UNC13C: variants seen among roughly 807,000 people sequenced by gnomAD.
UNC13C encodes the protein protein unc-13 homolog C.
In UNC13C, 174 loss-of-function variants were observed where a neutral mutation model predicts 245.4. The ratio of observed to expected loss-of-function variants is 0.71; its 90% confidence interval spans 0.63 to 0.80. The LOEUF (loss-of-function observed/expected upper bound fraction) is 0.80. Among genes scored for constraint, UNC13C ranks in the 30% least tolerant of loss-of-function variants. UNC13C has a pLI of 0.00. For missense variants in UNC13C, 2,829 were observed against 2,602.9 expected, an observed-to-expected ratio of 1.09 and a Z score of -1.89; for synonymous variants, 992 against 895.1, an observed-to-expected ratio of 1.11 and a Z score of -1.93.
At chr15:54,313,033 G>A (rs2037916749) in intron 13 of UNC13C, among the ~76,000 whole-genome samples, 1 of 151,724 alleles carries the variant, frequency 6.6e-6, no homozygotes, top group Non-Finnish European at 1.5e-5. Context: ...GAGGGATTGA[G>A]TCAGGTGCAG....
intron 13 of UNC13C, among the ~76,000 whole-genome samples, chr15:54,306,100 A>G (rs959617799): frequency 1.6e-4 from 24 of 151,974 alleles, no homozygotes; most frequent in Non-Finnish European, 2.9e-4. Context: ...GTCTGAAACT[A>G]TTTTGCTGGT....
chr15:54,470,058 A>G (rs1892378394), intron 19 of UNC13C, among the ~76,000 whole-genome samples: 1 of 151,692 alleles, frequency 6.6e-6, no homozygotes, highest in Non-Finnish European at 1.5e-5. Flanking sequence ...CATGAATCAC[A>G]TGTATTGATT....
chr15:54,158,717 A>C (rs2032854143), intron 4 of UNC13C, among the ~76,000 whole-genome samples: 1 of 151,892 alleles, frequency 6.6e-6, no homozygotes, highest in Non-Finnish European at 1.5e-5. Context: ...TGGCACAATC[A>C]TGGTTCACTG....
chr15:54,199,682 T>G (rs2034461686), intron 4 of UNC13C, among the ~76,000 whole-genome samples: 1 of 152,162 alleles, frequency 6.6e-6, no homozygotes, highest in South Asian at 2.1e-4. Flanking sequence ...ACAAAGACTG[T>G]TAGAGGAGCT....
chr15:54,507,143 T>C lies in UNC13C; in HGVS notation c.5328T>C (p.Tyr1776=), dbSNP rs1335658365. The change falls in exon 23 of 33, where the codon TAT becomes TAC. Residue 1776 remains tyrosine, a synonymous_variant. Coordinates refer to ENST00000260323, the MANE Select transcript of UNC13C (RefSeq NM_001080534.3). The part of the protein sequence containing the change: ...AKTINKVLLQ[Y]AAIVSSDFSS... ...CTATCAATAAAGTGCTGCTCCAGTA[T>C]GCTGCAATTGTATCAAGTGATTTCA... 5 of 1,600,032 alleles carry C rather than the reference T, an allele frequency of 3.1e-6. No homozygotes were observed. Among genetic ancestry groups the C allele is most frequent in the Non-Finnish European group, 4.3e-6 (5 of 1,172,276 alleles).
At chr15:54,425,040 A>T (rs915468868) in intron 19 of UNC13C, among the ~76,000 whole-genome samples, 2 of 151,884 alleles carry the variant, frequency 1.3e-5, no homozygotes, top group African/African-American at 4.8e-5. Context: ...ATACAATGCC[A>T]TGTGCTACAA....
intron 8 of UNC13C, among the ~76,000 whole-genome samples, chr15:54,262,166 T>C (rs938042932): frequency 5.3e-5 from 8 of 152,214 alleles, no homozygotes; most frequent in African/African-American, 1.9e-4. Flanking sequence ...GAGCATTTAT[T>C]GTGTGCATGG....
At chr15:53,947,892 TCACAA>T in the UNC13C span, 1 of 152,232 alleles carries the variant, frequency 6.6e-6, no homozygotes, top group African/African-American at 2.4e-5. Flanking sequence ...ATATGTGGTA[TCACAA>T]TGACTTTGTC....
At chr15:54,420,543 C>T (rs1451320820) in intron 19 of UNC13C, among the ~76,000 whole-genome samples, 1 of 151,884 alleles carries the variant, frequency 6.6e-6, no homozygotes, top group Non-Finnish European at 1.5e-5. Context: ...GTCAAGGATA[C>T]AGGTGTCATC....
At chr15:54,366,481 C>T (rs768158900) in intron 17 of UNC13C, among the ~76,000 whole-genome samples, 6 of 152,166 alleles carry the variant, frequency 3.9e-5, no homozygotes, top group Non-Finnish European at 8.8e-5. Context: ...TATGAACACA[C>T]ATACACACAC....
chr15:53,894,025 T>A, the UNC13C span, among the ~76,000 whole-genome samples: 1 of 152,162 alleles, frequency 6.6e-6, no homozygotes, highest in Non-Finnish European at 1.5e-5. Context: ...ATGGGAAAAG[T>A]GCAGTATCTG....
the UNC13C span, among the ~76,000 whole-genome samples, chr15:53,891,852 C>G: frequency 6.6e-6 from 1 of 152,114 alleles, no homozygotes; most frequent in Non-Finnish European, 1.5e-5. Context: ...GGCATTTAGC[C>G]CATTAACATT....
chr15:54,524,767 C>A (rs1476797896), intron 24 of UNC13C, among the ~76,000 whole-genome samples: 1 of 152,142 alleles, frequency 6.6e-6, no homozygotes, highest in Non-Finnish European at 1.5e-5. Flanking sequence ...CCAAACTTGG[C>A]TTTATCCTGT....
intron 17 of UNC13C, among the ~76,000 whole-genome samples, chr15:54,379,489 G>C (rs1318748076): frequency 1.3e-5 from 2 of 152,014 alleles, no homozygotes; most frequent in Admixed American, 6.6e-5. Context: ...ATCTTTTATA[G>C]CCTTTATTAT....
At chr15:54,590,747 G>C (rs1352974142) in intron 30 of UNC13C, among the ~76,000 whole-genome samples, 11 of 152,152 alleles carry the variant, frequency 7.2e-5, no homozygotes, top group Admixed American at 7.2e-4. Context: ...AACAAGGACA[G>C]GTTGACTTCC....
intron 24 of UNC13C, among the ~76,000 whole-genome samples, chr15:54,518,277 G>C (rs1195865418): frequency 6.6e-6 from 1 of 152,214 alleles, no homozygotes; most frequent in Non-Finnish European, 1.5e-5. Flanking sequence ...TGAGGAGGTT[G>C]AAAGGTTTTT....
At chr15:54,496,822 G>A (rs900296598) in intron 20 of UNC13C, among the ~76,000 whole-genome samples, 1 of 150,980 alleles carries the variant, frequency 6.6e-6, no homozygotes, top group African/African-American at 2.4e-5. Context: ...TTGAGGGAAA[G>A]GGAAGTTGGG....
chr15:53,847,185 C>G, the UNC13C span, among the ~76,000 whole-genome samples: 1 of 152,262 alleles, frequency 6.6e-6, no homozygotes, highest in South Asian at 2.1e-4. Context: ...TAACTTTCTA[C>G]AAACAAAGTT....
In UNC13C at chr15:54,296,569, G is replaced by C. The variant is rs552665638; in HGVS notation, c.3989-1242G>C. Among the ~76,000 whole-genome samples the C allele has an allele frequency of 1.4e-4, 21 of 152,082 alleles. No individual in the cohort carries two copies. In the South Asian group the frequency reaches 4.4e-3, roughly 32 times the overall value. ...GAATCAACTCCCTCTCAACCAGTAGGAAAATCGCTTATGATCCTGGCACTT... is the reference window on the plus strand; with the variant it reads ...GAATCAACTCCCTCTCAACCAGTAGCAAAATCGCTTATGATCCTGGCACTT... On this transcript the variant is annotated intron_variant, in intron 11 of 32. Transcript: ENST00000260323.
Sources: gnomAD v4.1 joint callset for allele counts (sites outside exome capture counted in the v4.1 genomes callset) on GRCh38, gnomAD v4.1.1 for gene constraint, MANE v1.5 for transcripts, NCBI Gene and HGNC (gene_info 2026-07-23, HGNC 2026-07-21) for gene names.